Variants in CACNA2D3 observed in about 807,000 individuals in gnomAD.
The protein encoded by CACNA2D3 is calcium voltage-gated channel auxiliary subunit alpha2delta 3, also known as voltage-dependent calcium channel subunit alpha-2/delta-3.
CACNA2D3 carries 60 observed loss-of-function variants against 160.6 expected under a neutral mutation model. The observed-to-expected ratio is 0.37, with a 90% CI of 0.30 to 0.46. The LOEUF (loss-of-function observed/expected upper bound fraction) is 0.46. Among genes scored for constraint, CACNA2D3 ranks in the 20% least tolerant of loss-of-function variants. The pLI, the probability that CACNA2D3 is intolerant of heterozygous loss-of-function variation, is 1.00. For missense variants in CACNA2D3, 1,205 were observed against 1,365.0 expected, an observed-to-expected ratio of 0.88 and a Z score of 1.85; for synonymous variants, 558 against 492.9, an observed-to-expected ratio of 1.13 and a Z score of -1.75.
At chr3:54,321,441 C>T (rs1016205860) in intron 3 of CACNA2D3, among the ~76,000 whole-genome samples, 4 of 152,172 alleles carry the variant, frequency 2.6e-5, no homozygotes, top group Admixed American at 6.5e-5. Context: ...ACCACCACAC[C>T]TCGCTCACTT....
rs958017299 is a variant in CACNA2D3, at chr3:54,636,392, A to G, written c.1054-5736A>G. ...CGGATTGAAGTCCGGGCCAGGAACA[A>G]TGGTAATTGTGGGACTTAACAAAGA... On this transcript the variant is annotated intron_variant, in intron 10 of 37. Transcript: ENST00000474759. Among the ~76,000 whole-genome samples, 17 of 152,128 alleles carry G rather than the reference A, an allele frequency of 1.1e-4. 1 individual carries two copies. The highest frequency in any genetic ancestry group is 3.9e-4 in the East Asian group (2 of 5,180).
At position 54,904,597 on chromosome 3, in the gene CACNA2D3, A is replaced by G. The variant is rs767762087; in HGVS notation, c.2449+4729A>G. ...CCAAAATCTAAAATTGCTCCTAAAA[A>G]TGTTTCATTTTGATTTCTTAGATAG... On this transcript the variant is annotated intron_variant, in intron 27 of 37. Transcript: ENST00000474759. Among the ~76,000 whole-genome samples the G allele has an allele frequency of 4.1e-4, 62 of 152,280 alleles. 1 individual carries two copies. Among genetic ancestry groups the G allele is most frequent in the Middle Eastern group, 3.4e-3 (1 of 294 alleles).
intron 25 of CACNA2D3, chr3:54,894,562 C>A: frequency 2.0e-6 from 1 of 507,234 alleles, no homozygotes; most frequent in East Asian, 5.6e-5. Context: ...CATCATTAAC[C>A]TGTGCTGCAT....
At chr3:54,687,602 G>A (rs1007144421) in intron 11 of CACNA2D3, among the ~76,000 whole-genome samples, 3 of 152,142 alleles carry the variant, frequency 2.0e-5, no homozygotes, top group Non-Finnish European at 4.4e-5. Flanking sequence ...AAACCAAAAG[G>A]AATCACTTGG....
chr3:54,868,211 T>A (rs1699446739), intron 17 of CACNA2D3, among the ~76,000 whole-genome samples: 1 of 152,190 alleles, frequency 6.6e-6, no homozygotes, highest in Non-Finnish European at 1.5e-5. Context: ...AATTAATCAC[T>A]CTGCTGCATG....
In CACNA2D3 at chr3:54,637,097, T is replaced by C. The variant is rs1292180148; in HGVS notation, c.1054-5031T>C. Among the ~76,000 whole-genome samples, 4 of 151,936 alleles carry C rather than the reference T, an allele frequency of 2.6e-5. No homozygotes were observed. The South Asian group carries it at 6.2e-4, about 24-fold the overall frequency. On this transcript the variant is annotated intron_variant, in intron 10 of 37. Transcript: ENST00000474759. ...GATAAGGCACAGATCCTGAACTAAC[T>C]TGTAAGGCTTGTCCGGTTTTAGGAC...
At chr3:54,403,839 C>T (rs1002789693) in intron 4 of CACNA2D3, among the ~76,000 whole-genome samples, 10 of 152,086 alleles carry the variant, frequency 6.6e-5, no homozygotes, top group Non-Finnish European at 1.5e-4. Context: ...TAAAAAGCTT[C>T]ATAAGTAACT....
At chr3:55,007,042 G>C (rs1256022524) in intron 32 of CACNA2D3, among the ~76,000 whole-genome samples, 1 of 152,180 alleles carries the variant, frequency 6.6e-6, no homozygotes, top group East Asian at 1.9e-4. Flanking sequence ...AACTGGCATA[G>C]CTAGGTACAA....
At chr3:54,955,418 C>T (rs1701862509) in intron 27 of CACNA2D3, among the ~76,000 whole-genome samples, 1 of 151,944 alleles carries the variant, frequency 6.6e-6, no homozygotes, top group Non-Finnish European at 1.5e-5. Flanking sequence ...GATGAGATTT[C>T]TAGGGCAGGG....
At chr3:54,155,009 A>G (rs1700221064) in intron 2 of CACNA2D3, among the ~76,000 whole-genome samples, 1 of 152,258 alleles carries the variant, frequency 6.6e-6, no homozygotes, top group South Asian at 2.1e-4. Flanking sequence ...ATAACAAACC[A>G]TTATCACCTT....
At chr3:54,126,543 T>C (rs966579820) in intron 2 of CACNA2D3, among the ~76,000 whole-genome samples, 3 of 152,216 alleles carry the variant, frequency 2.0e-5, no homozygotes, top group East Asian at 3.8e-4. Flanking sequence ...TTTTCTTCTG[T>C]CTTTACTGAG....
Position 54,385,843 on chromosome 3 carries a change from T to G in CACNA2D3, c.322-872T>G, listed in dbSNP as rs57538371. 4,145 of 466,864 alleles carry G rather than the reference T, an allele frequency of 8.9e-3. 135 individuals carry two copies. The highest frequency in any genetic ancestry group is 0.074 in the African/African-American group (3,743 of 50,456). The allele number at this position is 466,864 out of a possible 1,614,324, so 28.9% of individuals were successfully genotyped here. On this transcript the variant is annotated intron_variant, in intron 3 of 37. Transcript: ENST00000474759. ...GATACAAGAGTGACCACAGGAGAAA[T>G]AGAAGTGGTCAAATTTTTGCTTGGA...
chr3:54,624,963 C>T (rs79074094), intron 9 of CACNA2D3, among the ~76,000 whole-genome samples: 5,603 of 152,298 alleles, frequency 0.037, 132 homozygotes, highest in East Asian at 0.061. Context: ...ACAGCTGGGA[C>T]GCCTGGCTTC....
chr3:54,926,028 C>A (rs1701004188), intron 27 of CACNA2D3, among the ~76,000 whole-genome samples: 1 of 152,106 alleles, frequency 6.6e-6, no homozygotes, highest in Non-Finnish European at 1.5e-5. Flanking sequence ...TTCCTTGATT[C>A]TTTTTTCTTT....
intron 35 of CACNA2D3, among the ~76,000 whole-genome samples, chr3:55,022,408 TTATTTC>T (rs1287452806): frequency 6.6e-6 from 1 of 152,128 alleles, no homozygotes; most frequent in African/African-American, 2.4e-5. Flanking sequence ...GAAGTTTTTA[TTATTTC>T]TGTTATCTGA....
chr3:54,706,140 G>A (rs891445756), intron 11 of CACNA2D3, among the ~76,000 whole-genome samples: 3 of 152,176 alleles, frequency 2.0e-5, no homozygotes, highest in Admixed American at 2.0e-4. Flanking sequence ...AAGCATTTGC[G>A]TGAAGACCCA....
intron 2 of CACNA2D3, among the ~76,000 whole-genome samples, chr3:54,308,715 A>G (rs1373865731): frequency 1.3e-5 from 2 of 152,190 alleles, no homozygotes; most frequent in South Asian, 2.1e-4. Context: ...TACCTTAGTT[A>G]CCTAACCTAT....
chr3:54,700,308 T>C (rs1700745110), intron 11 of CACNA2D3, among the ~76,000 whole-genome samples: 1 of 152,224 alleles, frequency 6.6e-6, no homozygotes, highest in Non-Finnish European at 1.5e-5. Flanking sequence ...TTATTTATGC[T>C]CTCCTGTCTA....
intron 2 of CACNA2D3, among the ~76,000 whole-genome samples, chr3:54,245,660 A>G (rs535532289): frequency 6.6e-6 from 1 of 152,268 alleles, no homozygotes; most frequent in East Asian, 1.9e-4. Flanking sequence ...GGCTTGAGAA[A>G]CAGAGCATCT....
Sources: gnomAD v4.1 joint callset for allele counts (sites outside exome capture counted in the v4.1 genomes callset) on GRCh38, gnomAD v4.1.1 for gene constraint, MANE v1.5 for transcripts, NCBI Gene and HGNC (gene_info 2026-07-23, HGNC 2026-07-21) for gene names.